EYA4: variants seen among roughly 807,000 people sequenced by gnomAD.
The protein encoded by EYA4 is EYA transcriptional coactivator and phosphatase 4.
In EYA4, 31 loss-of-function variants were observed where a neutral mutation model predicts 87.9. The observed-to-expected ratio is 0.35, with a 90% CI of 0.27 to 0.48. The LOEUF (loss-of-function observed/expected upper bound fraction) is 0.48. Ranked by LOEUF, EYA4 falls within the 20% of genes least tolerant of loss-of-function variation. The pLI is 0.99. For missense variants in EYA4, 678 were observed against 761.4 expected (o/e 0.89, Z 1.29); for synonymous variants, 263 against 270.6 (o/e 0.97, Z 0.28).
At chr6:133,477,223 T>C (rs1212201031) in intron 11 of EYA4, among the ~76,000 whole-genome samples, 4 of 152,092 alleles carry the variant, frequency 2.6e-5, no homozygotes, top group Non-Finnish European at 5.9e-5. Context: ...TGTGCTAATT[T>C]ACACCCCCAC....
chr6:133,492,196 G>A (rs895247672), intron 13 of EYA4, among the ~76,000 whole-genome samples: 1 of 152,056 alleles, frequency 6.6e-6, no homozygotes, highest in Non-Finnish European at 1.5e-5. Flanking sequence ...AAATATTGAT[G>A]CAAAAATCCT....
intron 2 of EYA4, among the ~76,000 whole-genome samples, chr6:133,381,075 C>CA (rs1331336382): frequency 1.0e-5 from 1 of 96,820 alleles, no homozygotes; most frequent in Non-Finnish European, 1.9e-5. Context: ...TTTTTTTTTT[C>CA]TTTTTTTTTT....
intron 2 of EYA4, among the ~76,000 whole-genome samples, chr6:133,326,058 C>T (rs1781476819): frequency 6.6e-6 from 1 of 152,212 alleles, no homozygotes; most frequent in African/African-American, 2.4e-5. Flanking sequence ...TGGGGACTTC[C>T]ATACATCTTT....
At chr6:133,515,285 A>G (rs776305710) in intron 16 of EYA4, 36 bp from the exon 17 acceptor site, 1 of 976,968 alleles carries the variant, frequency 1.0e-6, no homozygotes, top group South Asian at 1.3e-5. Context: ...GACAATATTC[A>G]TCTCTCGACT....
intron 3 of EYA4, among the ~76,000 whole-genome samples, chr6:133,398,337 C>G (rs1441090130): frequency 6.6e-6 from 1 of 152,126 alleles, no homozygotes; most frequent in Non-Finnish European, 1.5e-5. Context: ...TCTAAATATT[C>G]TTACTCCTTT....
In EYA4 at chr6:133,529,084, G is replaced by T; in HGVS notation, c.*279G>T. On this transcript the variant is annotated 3_prime_UTR_variant, in exon 20 of 20. Coordinates refer to ENST00000355286, the MANE Select transcript of EYA4 (RefSeq NM_004100.5). The stretch of plus-strand genomic sequence containing the variant: ...ACACCAAATGAGTCCAAACTGGAAT[G>T]AGCAGCTTTAGCAAAGAACTCTTAC... 8.2e-7 allele frequency: 1 copy of T among 1,220,842 alleles called. No homozygotes were observed. Among genetic ancestry groups the T allele is most frequent in the Non-Finnish European group, 1.0e-6 (1 of 967,338 alleles). 75.6% of individuals were successfully genotyped at this position (1,220,842 alleles called of 1,614,324 possible).
chr6:133,515,210 C>CT (rs1244279864), intron 16 of EYA4, 111 bp from the exon 17 acceptor site: 1 of 737,728 alleles, frequency 1.4e-6, no homozygotes, highest in African/African-American at 1.7e-5. Context: ...CTCTGCATTT[C>CT]TGATATATAC....
At chr6:133,252,942 AACACACACACACACACACAC>A (rs3836960) in intron 1 of EYA4, among the ~76,000 whole-genome samples, 28 of 138,670 alleles carry the variant, frequency 2.0e-4, no homozygotes, top group African/African-American at 2.6e-4. Context: ...GGTACTTGAA[AACACACACACACACACACAC>A]ACACACACAC....
At chr6:133,391,201 T>C (rs1787238409) in intron 3 of EYA4, among the ~76,000 whole-genome samples, 1 of 151,204 alleles carries the variant, frequency 6.6e-6, no homozygotes. Flanking sequence ...TAGTATCTAT[T>C]ATTTTTTGGG....
At chr6:133,379,586 C>T (rs992213175) in intron 2 of EYA4, among the ~76,000 whole-genome samples, 6 of 152,128 alleles carry the variant, frequency 3.9e-5, no homozygotes, top group Non-Finnish European at 8.8e-5. Flanking sequence ...CTAGTTAACA[C>T]TTCAATCAAT....
intron 1 of EYA4, among the ~76,000 whole-genome samples, chr6:133,254,169 A>C (rs1775152520): frequency 6.6e-6 from 1 of 152,188 alleles, no homozygotes; most frequent in Admixed American, 6.6e-5. Flanking sequence ...ACTGACATTT[A>C]AAAGACAGAT....
At chr6:133,452,873 A>G (rs1296919900) in intron 5 of EYA4, 1 of 152,084 alleles carries the variant, frequency 6.6e-6, no homozygotes, top group Non-Finnish European at 1.5e-5. Flanking sequence ...TACTTTGAAG[A>G]TACAGAATAA....
chr6:133,326,476 C>T (rs1185061669), intron 2 of EYA4, among the ~76,000 whole-genome samples: 1 of 152,158 alleles, frequency 6.6e-6, no homozygotes, highest in Non-Finnish European at 1.5e-5. Context: ...TGGTCCCAAG[C>T]CTTTTGGATA....
chr6:133,268,109 C>T (rs779356575), intron 1 of EYA4, among the ~76,000 whole-genome samples: 6 of 152,024 alleles, frequency 3.9e-5, no homozygotes, highest in Non-Finnish European at 7.4e-5. Flanking sequence ...AACGCTTTTC[C>T]ATATATTAGT....
intron 5 of EYA4, among the ~76,000 whole-genome samples, chr6:133,455,893 TACACC>T (rs1793859548): frequency 6.6e-6 from 1 of 152,130 alleles, no homozygotes; most frequent in Non-Finnish European, 1.5e-5. Flanking sequence ...TTTGCCAAAA[TACACC>T]ATTACCACGT....
chr6:133,412,068 A>G (rs1219078656), intron 3 of EYA4, among the ~76,000 whole-genome samples: 2 of 152,230 alleles, frequency 1.3e-5, no homozygotes, highest in Non-Finnish European at 2.9e-5. Context: ...TTTAAAAAGT[A>G]GAGGGTTATT....
intron 11 of EYA4, among the ~76,000 whole-genome samples, chr6:133,476,064 G>A (rs1795700147): frequency 6.6e-6 from 1 of 151,990 alleles, no homozygotes; most frequent in South Asian, 2.1e-4. Flanking sequence ...TGCAGTGATG[G>A]GCACCCGTAA....
At chr6:133,242,649 C>G (rs983606991) in intron 1 of EYA4, among the ~76,000 whole-genome samples, 1 of 152,124 alleles carries the variant, frequency 6.6e-6, no homozygotes, top group African/African-American at 2.4e-5. Flanking sequence ...CCCGAACTTT[C>G]GTTTGGTAGC....
intron 13 of EYA4, among the ~76,000 whole-genome samples, chr6:133,486,581 A>T (rs565568963): frequency 6.6e-6 from 1 of 152,226 alleles, no homozygotes; most frequent in African/African-American, 2.4e-5. Context: ...CATTTCAGGT[A>T]TTGGTGACTT....
Sources: allele counts gnomAD v4.1 joint callset (sites outside exome capture counted in the v4.1 genomes callset), GRCh38; gene constraint gnomAD v4.1.1; transcripts MANE v1.5; gene names NCBI Gene and HGNC (gene_info 2026-07-23, HGNC 2026-07-21).